The following VMP1 variants were observed in gnomAD, a reference collection of about 807,000 sequenced individuals.
VMP1 encodes ectopic P-granules autophagy protein 3 homolog.
VMP1 carries 11 observed loss-of-function variants against 56.0 expected under a neutral mutation model. That is an observed-to-expected ratio of 0.20 (90% CI 0.12 to 0.32). The LOEUF (loss-of-function observed/expected upper bound fraction) is 0.32, where lower values mean the gene tolerates loss of function less well. Ranked by LOEUF, VMP1 falls within the 10% of genes least tolerant of loss-of-function variation. The pLI is 1.00. For synonymous variants in VMP1, 149 were observed against 165.0 expected (o/e 0.90, Z 0.74); for missense variants, 296 against 490.3 (o/e 0.60, Z 3.74).
intron 7 of VMP1, among the ~76,000 whole-genome samples, chr17:59,784,235 A>G (rs548114001): frequency 2.4e-4 from 37 of 152,138 alleles, no homozygotes; most frequent in African/African-American, 8.7e-4. Flanking sequence ...AAAAATTACT[A>G]GCCTGATCAT....
rs146709696 is a variant in VMP1 at position 59,827,595 on chromosome 17, C to T, written c.974+9822C>T. On this transcript the variant is annotated intron_variant, in intron 10 of 11. Coordinates refer to ENST00000262291, the MANE Select transcript of VMP1 (RefSeq NM_030938.5). ...AAGTGCTGGGATTACAGGCATGAGC[C>T]GCTGTGCTGGCCTGATTTTTAAGTT... Among the ~76,000 whole-genome samples the T allele has an allele frequency of 1.9e-3, 287 of 152,182 alleles. 2 individuals carry two copies. Among genetic ancestry groups the T allele is most frequent in the Middle Eastern group, 0.017 (5 of 294 alleles).
chr17:59,742,645 C>G (rs2035269371), intron 5 of VMP1, among the ~76,000 whole-genome samples: 1 of 152,000 alleles, frequency 6.6e-6, no homozygotes, highest in South Asian at 2.1e-4. Context: ...CCCTAATCCC[C>G]AGGCCACAGA....
At chr17:59,737,705 A>T (rs2035067153) in intron 4 of VMP1, among the ~76,000 whole-genome samples, 162 bp downstream of exon 4, 1 of 152,098 alleles carries the variant, frequency 6.6e-6, no homozygotes, top group African/African-American at 2.4e-5. Flanking sequence ...CACTAAAAAT[A>T]TTCTTGTGAT....
chr17:59,831,854 C>T lies in VMP1; in HGVS notation c.975-6441C>T, dbSNP rs112676325. On this transcript the variant is annotated intron_variant, in intron 10 of 11. Coordinates refer to ENST00000262291, the MANE Select transcript of VMP1 (RefSeq NM_030938.5). ...ACAAAAGTGTAAAAATTGCCACTAG[C>T]ATCATTTGTTGGAAATGTGTTTGTT... is the stretch of plus-strand genomic sequence containing the variant. 2.8e-3 allele frequency among the ~76,000 whole-genome samples: 431 copies of T among 151,310 alleles called. 3 individuals carry two copies. The highest frequency in any genetic ancestry group is 9.4e-3 in the African/African-American group (388 of 41,236).
At chr17:59,790,555 C>T (rs1210941182) in intron 7 of VMP1, among the ~76,000 whole-genome samples, 1 of 152,014 alleles carries the variant, frequency 6.6e-6, no homozygotes, top group Non-Finnish European at 1.5e-5. Context: ...TTTGGGAGGC[C>T]GAGGCAGGTG....
intron 7 of VMP1, among the ~76,000 whole-genome samples, chr17:59,779,243 C>T (rs78570494): frequency 2.1e-4 from 32 of 152,230 alleles, no homozygotes; most frequent in African/African-American, 7.5e-4. Context: ...GACTGTTGCT[C>T]AACTCACTTT....
At chr17:59,820,645 G>C (rs529308302) in intron 10 of VMP1, among the ~76,000 whole-genome samples, 11 of 152,300 alleles carry the variant, frequency 7.2e-5, no homozygotes, top group Admixed American at 5.2e-4. Context: ...TTACACTTAT[G>C]TTTGTAGGAG....
chr17:59,735,297 G>A (rs200892458), intron 2 of VMP1, 41 bp from the exon 3 acceptor site: 1 of 1,600,390 alleles, frequency 6.2e-7, no homozygotes, highest in Non-Finnish European at 8.5e-7. Context: ...AAGCATAAAT[G>A]TTAGAAATTC....
intron 10 of VMP1, 26 bp downstream of exon 10, chr17:59,817,799 T>C (rs2038297956): frequency 6.5e-7 from 1 of 1,545,392 alleles, no homozygotes; most frequent in Admixed American, 1.8e-5. Flanking sequence ...AGGACTAATA[T>C]TAATATAATT....
At chr17:59,751,587 C>A (rs971887292) in intron 5 of VMP1, among the ~76,000 whole-genome samples, 14 of 143,002 alleles carry the variant, frequency 9.8e-5, no homozygotes, top group Non-Finnish European at 6.1e-5. Context: ...GCTAAAAATA[C>A]AAAAATTAGC....
chr17:59,718,184 CTTTTTTTT>C (rs971095445), intron 1 of VMP1, among the ~76,000 whole-genome samples: 25 of 79,280 alleles, frequency 3.2e-4, no homozygotes, highest in Middle Eastern at 8.3e-3. Context: ...TCCCTCCCTC[CTTTTTTTT>C]TTTTTTTTTT....
chr17:59,739,458 C>T (rs907702363), intron 5 of VMP1, among the ~76,000 whole-genome samples: 1 of 152,212 alleles, frequency 6.6e-6, no homozygotes, highest in African/African-American at 2.4e-5. Context: ...GGCGTGGTGG[C>T]TCACGCCTGT....
chr17:59,756,634 G>A (rs1307478794), intron 5 of VMP1, among the ~76,000 whole-genome samples: 1 of 152,172 alleles, frequency 6.6e-6, no homozygotes, highest in Non-Finnish European at 1.5e-5. Flanking sequence ...TAGAGTGGAA[G>A]AATGTCTGTC....
In VMP1 at chr17:59,830,428, T is replaced by G. The variant is rs140018737; in HGVS notation, c.975-7867T>G. Reference sequence around the variant, plus strand: ...AAAATTTTTTTTTTCATTTATAAGCTTTCAGGGATCTGACTTATGACACCC... The same window carrying G: ...AAAATTTTTTTTTTCATTTATAAGCGTTCAGGGATCTGACTTATGACACCC... On this transcript the variant is annotated intron_variant, in intron 10 of 11. Coordinates refer to ENST00000262291, the MANE Select transcript of VMP1 (RefSeq NM_030938.5). 6.4e-3 allele frequency among the ~76,000 whole-genome samples: 970 copies of G among 152,322 alleles called. 6 individuals are homozygous for G. Among genetic ancestry groups the G allele is most frequent in the South Asian group, 0.014 (69 of 4,824 alleles).
chr17:59,748,899 T>A (rs1228609656), intron 5 of VMP1, among the ~76,000 whole-genome samples: 64 of 150,052 alleles, frequency 4.3e-4, no homozygotes, highest in African/African-American at 1.5e-3. Context: ...TATTTATTTT[T>A]TTTTTTTGAG....
At chr17:59,709,481 C>T (rs1171428692) in intron 1 of VMP1, among the ~76,000 whole-genome samples, 2 of 152,180 alleles carry the variant, frequency 1.3e-5, no homozygotes, top group African/African-American at 4.8e-5. Flanking sequence ...AAATTCTGCT[C>T]ACTTTCTTTC....
chr17:59,822,384 A>G (rs1382041140), intron 10 of VMP1, among the ~76,000 whole-genome samples: 1 of 139,606 alleles, frequency 7.2e-6, no homozygotes, highest in East Asian at 2.1e-4. Flanking sequence ...GCTGGAGTGC[A>G]GTGGTGTGAT....
intron 6 of VMP1, 116 bp downstream of exon 6, chr17:59,765,254 A>G: frequency 8.3e-7 from 1 of 1,205,528 alleles, no homozygotes; most frequent in Non-Finnish European, 1.1e-6. Flanking sequence ...TCAGTCAGTA[A>G]CCAGCTACCT....
intron 7 of VMP1, among the ~76,000 whole-genome samples, chr17:59,779,407 A>T (rs2036741407): frequency 6.6e-6 from 1 of 152,166 alleles, no homozygotes; most frequent in Admixed American, 6.5e-5. Flanking sequence ...AGTCTTTTGC[A>T]TTCTCCTTGT....
Sources: allele counts gnomAD v4.1 joint callset (sites outside exome capture counted in the v4.1 genomes callset), GRCh38; gene constraint gnomAD v4.1.1; transcripts MANE v1.5; gene names NCBI Gene and HGNC (gene_info 2026-07-23, HGNC 2026-07-21).